SVEP1: variants seen among roughly 807,000 people sequenced by gnomAD.
SVEP1 encodes the protein sushi, von Willebrand factor type A, EGF and pentraxin domain containing 1, also known as sushi, von Willebrand factor type A, EGF and pentraxin domain-containing protein 1.
Under a neutral mutation model 367.3 loss-of-function variants are expected in SVEP1, and 164 were observed. That is an observed-to-expected ratio of 0.45 (90% confidence interval 0.39 to 0.51). The LOEUF is 0.51. Among genes scored for constraint, SVEP1 ranks in the 20% least tolerant of loss-of-function variants. SVEP1 has a pLI of 0.00. For synonymous variants in SVEP1, 1,666 were observed against 1,611.6 expected (o/e 1.03, Z -0.81); for missense variants, 4,117 against 4,425.3 (o/e 0.93, Z 1.98).
chr9:110,442,865 T>C (rs551981193), intron 27 of SVEP1: 1 of 152,334 alleles, frequency 6.6e-6, no homozygotes, highest in Non-Finnish European at 1.5e-5. Flanking sequence ...TATTTATTAG[T>C]ATACGTATCC....
rs781286269 is a variant in SVEP1, at chr9:110,546,180, G to A, written c.899C>T (p.Thr300Ile). 3 of 1,560,964 alleles carry A rather than the reference G, an allele frequency of 1.9e-6. No homozygotes were observed. Among genetic ancestry groups the A allele is most frequent in the South Asian group, 2.4e-5 (2 of 84,462 alleles). Residue 300 changes from threonine (T) to isoleucine (I), a missense_variant, in exon 3 of 48, where the codon ACA (threonine) becomes ATA (isoleucine). By Grantham distance (89) the Thr-to-Ile change is moderately conservative (BLOSUM62 -1). Coordinates refer to ENST00000374469, the MANE Select transcript of SVEP1 (RefSeq NM_153366.4). ...RMGSCKCGTH[T>I]GHFECICEKG... ...TTCACAGATGCACTCAAAATGGCCTGTGTGTGTCCCACATTTGCAGCTTCC... is the reference window on the plus strand; with the variant it reads ...TTCACAGATGCACTCAAAATGGCCTATGTGTGTCCCACATTTGCAGCTTCC...
chr9:110,496,219 G>T (rs1347016741), intron 8 of SVEP1, among the ~76,000 whole-genome samples: 1 of 152,192 alleles, frequency 6.6e-6, no homozygotes, highest in East Asian at 1.9e-4. Flanking sequence ...TGGATTGAAG[G>T]ATACGAAGTA....
At chr9:110,493,215 G>C (rs936449764) in intron 8 of SVEP1, among the ~76,000 whole-genome samples, 1 of 152,026 alleles carries the variant, frequency 6.6e-6, no homozygotes, top group Non-Finnish European at 1.5e-5. Flanking sequence ...AGGGGTTGGG[G>C]AGGGGGTGGT....
rs1828813154 is a variant in SVEP1, at chr9:110,458,681, C to A, written c.3485-119G>T. 45 of 1,057,454 alleles carry A rather than the reference C, an allele frequency of 4.3e-5. 1 individual carries two copies. The South Asian group carries it at 7.3e-4, about 17-fold the overall frequency. The allele number at this position is 1,057,454 out of a possible 1,614,324, so 65.5% of individuals were successfully genotyped here. A position where few individuals can be genotyped will look rare whatever the true frequency, so the allele number is the denominator to read the frequency against. ...GGGTAAAGCCACATATATTTTGTTT[C>A]ACTTATATTTTAAAAAAGAAAACAG... On this transcript the variant is annotated intron_variant, in intron 19 of 47. Transcript: ENST00000374469.
intron 40 of SVEP1, among the ~76,000 whole-genome samples, chr9:110,390,207 G>A (rs62571872): frequency 1.3e-4 from 14 of 103,980 alleles, no homozygotes; most frequent in African/African-American, 2.9e-4. Flanking sequence ...AAGTATGTAT[G>A]TATATACTTG....
At chr9:110,535,271 G>T (rs1362876419) in intron 3 of SVEP1, among the ~76,000 whole-genome samples, 1 of 152,076 alleles carries the variant, frequency 6.6e-6, no homozygotes, top group Non-Finnish European at 1.5e-5. Flanking sequence ...TATTGAAAAA[G>T]GAGTCCTTTC....
chr9:110,465,251 T>G (rs7869377), intron 18 of SVEP1, among the ~76,000 whole-genome samples: 72,979 of 151,270 alleles, frequency 0.48, 17,795 homozygotes, highest in African/African-American at 0.55. Context: ...AATTAGTGGC[T>G]CTCAGATTTT....
At chr9:110,445,810 C>T (rs1335338232) in intron 26 of SVEP1, 27 bp downstream of exon 26, 1 of 1,612,450 alleles carries the variant, frequency 6.2e-7, no homozygotes, top group East Asian at 2.2e-5. Flanking sequence ...AGATCTTAAG[C>T]ATAGCCTTCC....
intron 8 of SVEP1, among the ~76,000 whole-genome samples, chr9:110,495,056 T>C (rs1243100497): frequency 6.6e-6 from 1 of 152,226 alleles, no homozygotes; most frequent in Non-Finnish European, 1.5e-5. Flanking sequence ...AAAACTCTCT[T>C]ACTTATTCCC....
At chr9:110,557,235 C>CACCA (rs1747338240) in intron 1 of SVEP1, among the ~76,000 whole-genome samples, 1 of 152,212 alleles carries the variant, frequency 6.6e-6, no homozygotes, top group African/African-American at 2.4e-5. Context: ...TTTTCTTCTA[C>CACCA]ACCACTGTTT....
rs1271426646 is a variant in SVEP1 at position 110,450,094 on chromosome 9, A to G, written c.4068T>C (p.Asn1356=). 2.5e-6 allele frequency: 4 copies of G among 1,613,798 alleles called. No individual in the cohort carries two copies. Among genetic ancestry groups the G allele is most frequent in the Non-Finnish European group, 3.4e-6 (4 of 1,179,828 alleles). ...VDECLSQPCK[N]GATCKDGANS... is the part of the protein sequence containing the mutation. ...TGGCACCGTCTTTACAGGTAGCTCCATTTTTGCATGGCTGACTGAGACACT... is the reference window on the plus strand; with the variant it reads ...TGGCACCGTCTTTACAGGTAGCTCCGTTTTTGCATGGCTGACTGAGACACT... The change falls in exon 24 of 48, where the codon AAT becomes AAC. Residue 1356 remains asparagine, a synonymous_variant. Transcript: ENST00000374469.
chr9:110,394,378 T>G (rs1827723487), intron 40 of SVEP1, among the ~76,000 whole-genome samples: 1 of 151,812 alleles, frequency 6.6e-6, no homozygotes, highest in Non-Finnish European at 1.5e-5. Context: ...AGACCAAAGG[T>G]AGATATAACC....
rs144701602 is a variant in SVEP1, at chr9:110,501,528, C to T, written c.1483+1510G>A. The stretch of plus-strand genomic sequence containing the variant: ...GTTGTGGGGGGGGCAGGCTTGTAGT[C>T]TACAAATGATGATGATTTTCAATCC... On this transcript the variant is annotated intron_variant, in intron 6 of 47. Transcript: ENST00000374469. Among the ~76,000 whole-genome samples the T allele has an allele frequency of 3.6e-3, 541 of 151,910 alleles. 2 individuals are homozygous for T. The highest frequency in any genetic ancestry group is 0.012 in the African/African-American group (502 of 41,460).
chr9:110,375,490 A>AT, intron 45 of SVEP1, 27 bp from the exon 46 acceptor site: 1 of 1,338,832 alleles, frequency 7.5e-7, no homozygotes, highest in African/African-American at 1.6e-5. Flanking sequence ...AAAAAAAAAA[A>AT]GGAGGCAGGG....
Position 110,408,023 on chromosome 9 carries a change from C to A in SVEP1, c.7577G>T (p.Arg2526Leu). 1 of 1,613,980 alleles carries A rather than the reference C, an allele frequency of 6.2e-7. No homozygotes were observed. Among genetic ancestry groups the A allele is most frequent in the Non-Finnish European group, 8.5e-7 (1 of 1,179,888 alleles). Residue 2526 changes from arginine to leucine, a missense_variant, in exon 38 of 48, where the codon CGA becomes CTA. This residue lies in a region of SVEP1 where 1,765 missense variants were observed against 1,781.1 expected (regional missense o/e 0.99). Transcript: ENST00000374469. ...ACTGGGACCTTCGAGCCGAAAGCCTCGGTTGCAAGAGTAGGTAACGGTCTG... is the reference window on the plus strand; with the variant it reads ...ACTGGGACCTTCGAGCCGAAAGCCTAGGTTGCAAGAGTAGGTAACGGTCTG... Reference protein sequence around the residue: ...YGQTVTYSCNRGFRLEGPSAL... With the variant: ...YGQTVTYSCNLGFRLEGPSAL...
chr9:110,535,439 G>C (rs1031286129), intron 3 of SVEP1, among the ~76,000 whole-genome samples: 1 of 152,156 alleles, frequency 6.6e-6, no homozygotes, highest in African/African-American at 2.4e-5. Flanking sequence ...ATAGTTTGAA[G>C]TTGAGTAACA....
rs1322344352 is a variant in SVEP1, at chr9:110,427,638, C to T, written c.5928G>A (p.Gly1976=). 2 of 1,613,766 alleles carry T rather than the reference C, an allele frequency of 1.2e-6. No homozygotes were observed. Among genetic ancestry groups the T allele is most frequent in the Non-Finnish European group, 1.7e-6 (2 of 1,179,852 alleles). The part of the protein sequence containing the change: ...PPAIKDAVIT[G]NNFTFRNTVT... ...CGGTGTTCCTGAAAGTGAAGTTATT[C>T]CCCGTAATGACAGCATCTTTGATGG... The change falls in exon 36 of 48, where the codon GGG becomes GGA. Residue 1976 remains glycine (G), a synonymous_variant. Coordinates refer to ENST00000374469, the MANE Select transcript of SVEP1 (RefSeq NM_153366.4).
In SVEP1 at chr9:110,562,856, A is replaced by T. The variant is rs561633720; in HGVS notation, c.532-12752T>A. 2.6e-5 allele frequency among the ~76,000 whole-genome samples: 4 copies of T among 151,916 alleles called. No individual in the cohort carries two copies. In the South Asian group the frequency reaches 6.2e-4, roughly 24 times the overall value. On this transcript the variant is annotated intron_variant, in intron 1 of 47. Transcript: ENST00000374469. ...AGGTGCCTGCCACCGCACCCGGCCA[A>T]TTTTTTTGTATTTTTAGTAGAGATG... is the stretch of plus-strand genomic sequence containing the variant.
intron 5 of SVEP1, among the ~76,000 whole-genome samples, chr9:110,505,198 C>T (rs756469028): frequency 1.3e-5 from 2 of 152,162 alleles, no homozygotes; most frequent in Non-Finnish European, 2.9e-5. Flanking sequence ...CTGTTCCAGC[C>T]TCTGCAGGTT....
Sources: gnomAD v4.1 joint callset for allele counts (sites outside exome capture counted in the v4.1 genomes callset) on GRCh38, gnomAD v4.1.1 for gene constraint, gnomAD v4.1.1 regional missense constraint, MANE v1.5 for transcripts, NCBI Gene and HGNC (gene_info 2026-07-23, HGNC 2026-07-21) for gene names.